Variants in RNF44 observed in about 807,000 individuals in gnomAD.
RNF44 encodes ring finger protein 44.
RNF44 carries 25 observed loss-of-function variants against 53.6 expected under a neutral mutation model. The ratio of observed to expected loss-of-function variants is 0.47; its 90% CI spans 0.34 to 0.65. RNF44 has a LOEUF of 0.65. Among genes scored for constraint, RNF44 ranks in the 30% least tolerant of loss-of-function variants. The probability of loss-of-function intolerance (pLI) is 0.01; values close to 1 mark genes in which losing one functional copy is unlikely to be tolerated. For synonymous variants in RNF44, 282 were observed against 252.2 expected (o/e 1.12, Z -1.12); for missense variants, 581 against 595.5 (o/e 0.98, Z 0.25).
chr5:176,529,451 ACT>A, intron 9 of RNF44, 64 bp from the exon 10 acceptor site: 2 of 1,604,884 alleles, frequency 1.2e-6, no homozygotes, highest in Non-Finnish European at 1.7e-6. Context: ...GTGGAGTGTG[ACT>A]CCCCTGAGAG....
At position 176,527,513 on chromosome 5, in the gene RNF44, G is replaced by A. The variant is rs1164212091; in HGVS notation, c.*1515C>T. On this transcript the variant is annotated 3_prime_UTR_variant, in exon 11 of 11. Transcript: ENST00000274811. ...TCAACACTGCTATAAATATAGAAAC[G>A]TCACCTGGAGTTATATACAGTAAGA... 1.3e-5 allele frequency: 2 copies of A among 152,358 alleles called. No individual in the cohort carries two copies. Among genetic ancestry groups the A allele is most frequent in the Non-Finnish European group, 2.9e-5 (2 of 68,018 alleles). The allele number at this position is 152,358 out of a possible 1,614,324, so 9.4% of individuals were successfully genotyped here.
At chr5:176,538,552 G>A (rs1185999201), upstream of RNF44, among the ~76,000 whole-genome samples, 1 of 152,170 alleles carries the variant, frequency 6.6e-6, no homozygotes, top group Non-Finnish European at 1.5e-5. Flanking sequence ...TGAATATTGG[G>A]TGCATGCATA....
rs1434734369 is a variant in RNF44 at position 176,526,854 on chromosome 5, CAG to C, written c.*2172_*2173del. The C allele has an allele frequency of 1.3e-5, 2 of 152,426 alleles. No individual in the cohort carries two copies. The highest frequency in any genetic ancestry group is 2.9e-5 in the Non-Finnish European group (2 of 68,032). The allele number at this position is 152,426 out of a possible 1,614,324, so 9.4% of individuals were successfully genotyped here. On this transcript the variant is annotated 3_prime_UTR_variant, in exon 11 of 11. Transcript: ENST00000274811. ...GTACAAATCTGTTAAAAATTTCAAT[CAG>C]TATACACATATATATAATACAACAT...
At chr5:176,532,950 C>T (rs1438517226) in intron 1 of RNF44, among the ~76,000 whole-genome samples, 1 of 152,134 alleles carries the variant, frequency 6.6e-6, no homozygotes, top group Non-Finnish European at 1.5e-5. Flanking sequence ...GCCTCACCCT[C>T]CTGCTGTGTG....
upstream of RNF44, among the ~76,000 whole-genome samples, chr5:176,538,273 C>T (rs1418870260): frequency 1.3e-5 from 2 of 152,200 alleles, no homozygotes; most frequent in African/African-American, 2.4e-5. Context: ...CTATTCCTCT[C>T]AGCAGCTATG....
rs1756232373 is a variant in RNF44, at chr5:176,528,375, T to A, written c.*653A>T. 6.6e-6 allele frequency: 1 copy of A among 152,140 alleles called. No individual in the cohort carries two copies. Among genetic ancestry groups the A allele is most frequent in the South Asian group, 2.1e-4 (1 of 4,822 alleles). The allele number at this position is 152,140 out of a possible 1,614,324, so 9.4% of individuals were successfully genotyped here. On this transcript the variant is annotated 3_prime_UTR_variant, in exon 11 of 11. Coordinates refer to ENST00000274811, the MANE Select transcript of RNF44 (RefSeq NM_014901.5). ...CCCGTATGGCCCAAGCCCCTCAGGA[T>A]ACGTGTGCCCCAGCTCGGGATTAGG...
chr5:176,540,505 T>C (rs12523069), upstream of RNF44, among the ~76,000 whole-genome samples: 1 of 152,234 alleles, frequency 6.6e-6, no homozygotes, highest in Admixed American at 6.5e-5. Context: ...CCTTGGATGG[T>C]GCCTTCCCTG....
Position 176,528,764 on chromosome 5 carries a change from G to A in RNF44, c.*264C>T, listed in dbSNP as rs948250515. The A allele has an allele frequency of 1.8e-6, 1 of 558,302 alleles. No individual in the cohort carries two copies. Among genetic ancestry groups the A allele is most frequent in the Non-Finnish European group, 3.2e-6 (1 of 313,794 alleles). The allele number at this position is 558,302 out of a possible 1,614,324, so 34.6% of individuals were successfully genotyped here. On this transcript the variant is annotated 3_prime_UTR_variant, in exon 11 of 11. Coordinates refer to ENST00000274811, the MANE Select transcript of RNF44 (RefSeq NM_014901.5). Reference sequence around the variant, plus strand: ...AAAAGGAGGGACCTGAGGGTGCACAGGAGGGAGACCCGATCAGGGACACTC... The same window carrying A: ...AAAAGGAGGGACCTGAGGGTGCACAAGAGGGAGACCCGATCAGGGACACTC...
At chr5:176,530,450 C>T (rs1756525211) in intron 6 of RNF44, 132 bp downstream of exon 6, 2 of 1,135,262 alleles carry the variant, frequency 1.8e-6, no homozygotes, top group South Asian at 2.1e-5. Flanking sequence ...CTCCCAGCCG[C>T]CCCGGAGCCC....
At position 176,537,028 on chromosome 5, in the gene RNF44, G is replaced by C. The variant is rs1268050842; in HGVS notation, c.-133C>G. On this transcript the variant is annotated 5_prime_UTR_variant, in exon 1 of 11. Coordinates refer to ENST00000274811, the MANE Select transcript of RNF44 (RefSeq NM_014901.5). ...GGGGCGGGGGAGGGGGGGGGTGCCT[G>C]TCTGGATCCTTTAAGAGCTCCCGCC... 1.3e-5 allele frequency: 2 copies of C among 151,372 alleles called. No homozygotes were observed. The highest frequency in any genetic ancestry group is 2.4e-5 in the African/African-American group (1 of 41,260). 9.4% of individuals were successfully genotyped at this position (151,372 alleles called of 1,614,324 possible).
rs1344862270 is a variant in RNF44, at chr5:176,527,304, T to G, written c.*1724A>C. ...TTGTATAAATCTTGTTTTTTAATGATGATCTTTTTAAATGCTGTGTTTCCC... is the reference window on the plus strand; with the variant it reads ...TTGTATAAATCTTGTTTTTTAATGAGGATCTTTTTAAATGCTGTGTTTCCC... On this transcript the variant is annotated 3_prime_UTR_variant, in exon 11 of 11. Transcript: ENST00000274811. 1 of 152,466 alleles carries G rather than the reference T, an allele frequency of 6.6e-6. No homozygotes were observed. The highest frequency in any genetic ancestry group is 1.5e-5 in the Non-Finnish European group (1 of 68,042). 9.4% of individuals were successfully genotyped at this position (152,466 alleles called of 1,614,324 possible).
chr5:176,526,869 T>C lies in RNF44; in HGVS notation c.*2159A>G, dbSNP rs1449859484. On this transcript the variant is annotated 3_prime_UTR_variant, in exon 11 of 11. Coordinates refer to ENST00000274811, the MANE Select transcript of RNF44 (RefSeq NM_014901.5). The stretch of plus-strand genomic sequence containing the variant: ...AAATTTCAATCAGTATACACATATA[T>C]ATAATACAACATACTAGTTATGTTA... The C allele has an allele frequency of 1.3e-5, 2 of 152,446 alleles. No individual in the cohort carries two copies. The highest frequency in any genetic ancestry group is 2.9e-5 in the Non-Finnish European group (2 of 68,034). The allele number at this position is 152,446 out of a possible 1,614,324, so 9.4% of individuals were successfully genotyped here.
At chr5:176,542,557 C>A (rs1028197376), upstream of RNF44, 1 of 152,178 alleles carries the variant, frequency 6.6e-6, no homozygotes, top group Non-Finnish European at 1.5e-5. Context: ...AAACCGAGGG[C>A]TGCAGGAGTG....
the RNF44 span, chr5:176,543,392 C>T: frequency 6.6e-6 from 1 of 150,564 alleles, no homozygotes; most frequent in African/African-American, 2.4e-5. The surrounding 1 kb of genome is among the most constrained non-coding windows in gnomAD (Gnocchi z 4.0). Context: ...GCAGGGGAAC[C>T]GTCCGCGGAC....
chr5:176,529,439 C>T, intron 9 of RNF44, 52 bp from the exon 10 acceptor site: 1 of 1,605,614 alleles, frequency 6.2e-7, no homozygotes, highest in Non-Finnish European at 8.5e-7. Context: ...TGGGAAGGCT[C>T]AGTGGAGTGT....
intron 6 of RNF44, 131 bp from the exon 7 acceptor site, chr5:176,530,337 GGCCTGCC>G (rs1431554484): frequency 1.2e-4 from 44 of 362,986 alleles, no homozygotes; most frequent in Middle Eastern, 8.1e-4. Context: ...CAGCCCGGTG[GGCCTGCC>G]TCCCAGCCGC....
In RNF44 at chr5:176,531,960, C is replaced by G. The variant is rs973748081; in HGVS notation, c.297+44G>C. 1 of 1,550,990 alleles carries G rather than the reference C, an allele frequency of 6.4e-7. No individual in the cohort carries two copies. The highest frequency in any genetic ancestry group is 8.7e-7 in the Non-Finnish European group (1 of 1,148,990). Reference sequence around the variant, plus strand: ...GGCCTTGCTGCCTCTGCCTCTCAGACTGGCTCACAGGGCCAGGGGCACAGG... The same window carrying G: ...GGCCTTGCTGCCTCTGCCTCTCAGAGTGGCTCACAGGGCCAGGGGCACAGG... On this transcript the variant is annotated intron_variant, in intron 3 of 10. Transcript: ENST00000274811. The surrounding 1 kb of genome is among the most constrained non-coding windows in gnomAD (Gnocchi z 4.2).
chr5:176,540,370 A>G (rs938052079), upstream of RNF44, among the ~76,000 whole-genome samples: 3 of 152,034 alleles, frequency 2.0e-5, no homozygotes, highest in Non-Finnish European at 4.4e-5. Context: ...GCCACAATCT[A>G]ATCCTGTACT....
chr5:176,530,972 T>A lies in RNF44; in HGVS notation c.515A>T (p.Tyr172Phe). 6.9e-7 allele frequency: 1 copy of A among 1,453,820 alleles called. No homozygotes were observed. The highest frequency in any genetic ancestry group is 2.6e-5 in the East Asian group (1 of 37,822). 90.1% of individuals were successfully genotyped at this position (1,453,820 alleles called of 1,614,324 possible). Residue 172 changes from tyrosine (Y) to phenylalanine (F), a missense_variant, in exon 5 of 11, where the codon TAC becomes TTC. This residue lies in a region of RNF44 where 387 missense variants were observed against 366.0 expected (regional missense o/e 1.06). Transcript: ENST00000274811. Reference protein sequence around the residue: ...MQQLPVPYQAYPHLISSDHYI... With the variant: ...MQQLPVPYQAFPHLISSDHYI... ...GTGGTCACTGGAGATGAGGTGGGGG[T>A]AGGCCTGATAGGGCACAGGCAGCTG...
Sources: allele counts gnomAD v4.1 joint callset (sites outside exome capture counted in the v4.1 genomes callset), GRCh38; gene constraint gnomAD v4.1.1; regional missense constraint gnomAD v4.1.1; non-coding constraint Gnocchi (gnomAD v3.1); transcripts MANE v1.5; gene names NCBI Gene and HGNC (gene_info 2026-07-23, HGNC 2026-07-21).